The following ZFHX3 variants were observed in gnomAD, a reference collection of about 807,000 sequenced individuals.
ZFHX3 encodes the protein zinc finger homeobox protein 3.
ZFHX3 carries 42 observed loss-of-function variants against 279.1 expected under a neutral mutation model. That is an observed-to-expected ratio of 0.15 (90% CI 0.12 to 0.19). The LOEUF (loss-of-function observed/expected upper bound fraction) is 0.19. Ranked by LOEUF, ZFHX3 falls within the 10% of genes least tolerant of loss-of-function variation. ZFHX3 has a pLI of 1.00. For missense variants in ZFHX3, 4,981 were observed against 4,754.0 expected (o/e 1.05, Z -1.40); for synonymous variants, 2,293 against 1,957.8 (o/e 1.17, Z -4.52).
intron 1 of ZFHX3, among the ~76,000 whole-genome samples, chr16:73,797,022 C>A (rs1049891369): frequency 1.3e-5 from 2 of 151,188 alleles, no homozygotes; most frequent in Non-Finnish European, 1.5e-5. Context: ...GCCAACATGG[C>A]GAAACCCTGT....
chr16:73,602,416 T>G (rs531320008), intron 2 of ZFHX3, among the ~76,000 whole-genome samples: 4 of 152,106 alleles, frequency 2.6e-5, no homozygotes, highest in Non-Finnish European at 4.4e-5. Flanking sequence ...GTCTTTCTAT[T>G]ACGAGAACTT....
rs1301347961 is a variant in ZFHX3, at chr16:72,788,014, G to C, written c.10262C>G (p.Pro3421Arg). 14 of 1,613,418 alleles carry C rather than the reference G, an allele frequency of 8.7e-6. No individual in the cohort carries two copies. Among genetic ancestry groups the C allele is most frequent in the Non-Finnish European group, 1.2e-5 (14 of 1,179,978 alleles). ...DKDPAKESPK[P>R]EEQKNTPREV... ...ACGGGGGGTGTTTTTCTGTTCTTCTGGTTTGGGGGATTCTTTGGCAGGGTC... is the reference window on the plus strand; with the variant it reads ...ACGGGGGGTGTTTTTCTGTTCTTCTCGTTTGGGGGATTCTTTGGCAGGGTC... The change falls in exon 10 of 10, where the codon CCA becomes CGA. Residue 3421 changes from proline (P) to arginine (R), a missense_variant. Coordinates refer to ENST00000268489, the MANE Select transcript of ZFHX3 (RefSeq NM_006885.4).
intron 1 of ZFHX3, among the ~76,000 whole-genome samples, chr16:73,889,868 T>C (rs1293388500): frequency 6.6e-6 from 1 of 152,224 alleles, no homozygotes; most frequent in African/African-American, 2.4e-5. Flanking sequence ...GTATTATTCT[T>C]GTGAATAAAA....
chr16:73,429,043 T>A (rs2017862850), intron 3 of ZFHX3, among the ~76,000 whole-genome samples: 2 of 152,130 alleles, frequency 1.3e-5, no homozygotes, highest in South Asian at 4.1e-4. Context: ...TGTGGACCCC[T>A]CCATGTCTAG....
chr16:72,799,999 T>C, intron 8 of ZFHX3, 28 bp downstream of exon 8: 2 of 1,603,708 alleles, frequency 1.2e-6, no homozygotes, highest in Non-Finnish European at 1.7e-6. Context: ...TGTTTCAATT[T>C]CTTGGGGTCA....
At chr16:73,629,458 T>A (rs1030872387) in intron 2 of ZFHX3, among the ~76,000 whole-genome samples, 4 of 151,900 alleles carry the variant, frequency 2.6e-5, no homozygotes, top group African/African-American at 9.7e-5. Flanking sequence ...TACACCCAAA[T>A]CGAAATTTCA....
In ZFHX3 at chr16:72,795,138, G is replaced by A. The variant is rs1225219757; in HGVS notation, c.7544C>T (p.Ser2515Leu). The A allele has an allele frequency of 1.2e-6, 2 of 1,613,818 alleles. No homozygotes were observed. Among genetic ancestry groups the A allele is most frequent in the Non-Finnish European group, 1.7e-6 (2 of 1,179,934 alleles). Reference sequence around the variant, plus strand: ...TAGGTTTGCGAGCTGTTGAGGAGTTGATGTGTGGAGGGGCTTGAGGGGCAG... The same window carrying A: ...TAGGTTTGCGAGCTGTTGAGGAGTTAATGTGTGGAGGGGCTTGAGGGGCAG... ...SHLPLKPLHT[S>L]TPQQLANLPP... The change falls in exon 9 of 10, where the codon TCA becomes TTA. Residue 2515 changes from serine (S) to leucine (L), a missense_variant. Ser to Leu is a moderately radical substitution (Grantham distance 145). Around this residue, in one of 7 missense-constraint regions of ZFHX3, gnomAD observed 744 missense variants for 701.3 expected, o/e 1.06. Transcript: ENST00000268489.
At chr16:73,511,635 A>G (rs913873317) in intron 2 of ZFHX3, among the ~76,000 whole-genome samples, 1 of 152,184 alleles carries the variant, frequency 6.6e-6, no homozygotes, top group Non-Finnish European at 1.5e-5. Context: ...TAGCTGTGAA[A>G]ACCAGGGGCT....
intron 5 of ZFHX3, among the ~76,000 whole-genome samples, chr16:73,235,555 G>A (rs959490299): frequency 6.6e-6 from 1 of 152,226 alleles, no homozygotes; most frequent in Admixed American, 6.5e-5. Context: ...AAATGGACCG[G>A]AGAGGCACTC....
intron 2 of ZFHX3, among the ~76,000 whole-genome samples, chr16:73,663,423 T>C (rs954172696): frequency 6.6e-6 from 1 of 152,208 alleles, no homozygotes; most frequent in Non-Finnish European, 1.5e-5. Flanking sequence ...TCTTGCCTGG[T>C]ACAATGAATG....
At chr16:73,303,589 C>A (rs1902565878) in intron 4 of ZFHX3, among the ~76,000 whole-genome samples, 1 of 152,164 alleles carries the variant, frequency 6.6e-6, no homozygotes, top group Non-Finnish European at 1.5e-5. Flanking sequence ...ATAACTGGAT[C>A]TCTGGGTTTG....
intron 2 of ZFHX3, among the ~76,000 whole-genome samples, chr16:73,547,837 C>T (rs764097318): frequency 6.6e-6 from 1 of 152,202 alleles, no homozygotes; most frequent in Admixed American, 6.5e-5. Context: ...ACTGCTATTT[C>T]AAAAGTGCAG....
intron 1 of ZFHX3, among the ~76,000 whole-genome samples, chr16:73,699,022 T>C (rs1322014467): frequency 6.6e-6 from 1 of 152,106 alleles, no homozygotes; most frequent in Non-Finnish European, 1.5e-5. Context: ...GTAGCTGAGA[T>C]TATAGGCGCC....
At chr16:72,954,254 C>A (rs1359108517) in intron 2 of ZFHX3, among the ~76,000 whole-genome samples, 1 of 152,202 alleles carries the variant, frequency 6.6e-6, no homozygotes, top group East Asian at 1.9e-4. Context: ...CCTGTAATCC[C>A]AGCTACTCGG....
intron 4 of ZFHX3, among the ~76,000 whole-genome samples, chr16:73,313,214 G>A (rs1462368029): frequency 2.0e-5 from 3 of 152,122 alleles, no homozygotes; most frequent in Non-Finnish European, 2.9e-5. Flanking sequence ...CACCATGACT[G>A]TAAGTTTCCT....
At position 73,473,339 on chromosome 16, in the gene ZFHX3, C is replaced by CAAAAA. The variant is rs11347779; in HGVS notation, c.-1546-17086_-1546-17082dup. Among the ~76,000 whole-genome samples, 51 of 76,668 alleles carry CAAAAA rather than the reference C, an allele frequency of 6.7e-4. 1 individual carries two copies. Among genetic ancestry groups the CAAAAA allele is most frequent in the African/African-American group, 2.1e-3 (35 of 17,052 alleles). The allele number at this position is 76,668 out of a possible 152,430, so 50.3% of individuals were successfully genotyped here. A position where few individuals can be genotyped will look rare whatever the true frequency, so the allele number is the denominator to read the frequency against. On this transcript the variant is annotated intron_variant, in intron 2 of 17. Transcript: ENST00000641206. Reference sequence around the variant, plus strand: ...GAGACAGAGCGAGACTGTCTCAAAGCAAAAAAAAAAAAAAAAAACAAAAAA... The same window carrying CAAAAA: ...GAGACAGAGCGAGACTGTCTCAAAGCAAAAAAAAAAAAAAAAAAAAAAACAAAAAA...
intron 2 of ZFHX3, among the ~76,000 whole-genome samples, chr16:73,594,925 G>A (rs1212552027): frequency 6.6e-6 from 1 of 152,128 alleles, no homozygotes; most frequent in African/African-American, 2.4e-5. Context: ...TAACCATGTG[G>A]GAAGCCAGTG....
At chr16:73,206,711 A>G (rs2144905547) in intron 5 of ZFHX3, among the ~76,000 whole-genome samples, 1 of 152,194 alleles carries the variant, frequency 6.6e-6, no homozygotes, top group South Asian at 2.1e-4. Context: ...AATTAAACAG[A>G]ATGCTCAGAA....
At chr16:73,760,018 TAAAA>T (rs745805659) in intron 1 of ZFHX3, among the ~76,000 whole-genome samples, 26 of 146,484 alleles carry the variant, frequency 1.8e-4, no homozygotes, top group African/African-American at 6.0e-4. Context: ...TGTTTTTTTT[TAAAA>T]AAAAATTAAT....
Sources: allele counts gnomAD v4.1 joint callset (sites outside exome capture counted in the v4.1 genomes callset), GRCh38; gene constraint gnomAD v4.1.1; regional missense constraint gnomAD v4.1.1; transcripts MANE v1.5; gene names NCBI Gene and HGNC (gene_info 2026-07-23, HGNC 2026-07-21).